HOOK3: variants seen among roughly 807,000 people sequenced by gnomAD.
HOOK3 encodes hook microtubule tethering protein 3, also known as protein Hook homolog 3.
A neutral mutation model predicts 116.3 loss-of-function variants in HOOK3; 24 were observed. The observed-to-expected ratio is 0.21, with a 90% confidence interval of 0.15 to 0.29. The LOEUF is 0.29. Among genes scored for constraint, HOOK3 ranks in the 10% least tolerant of loss-of-function variants. The pLI, the probability that HOOK3 is intolerant of heterozygous loss-of-function variation, is 1.00. For synonymous variants in HOOK3, 275 were observed against 283.0 expected, an observed-to-expected ratio of 0.97 and a Z score of 0.28; for missense variants, 632 against 830.2, an observed-to-expected ratio of 0.76 and a Z score of 2.93.
intron 13 of HOOK3, among the ~76,000 whole-genome samples, chr8:42,980,213 A>G (rs1808913162): frequency 6.6e-6 from 1 of 151,998 alleles, no homozygotes; most frequent in Non-Finnish European, 1.5e-5. Context: ...TCGGCCTCCC[A>G]AAGTGCTGGG....
intron 4 of HOOK3, among the ~76,000 whole-genome samples, chr8:42,939,445 G>T (rs1312929559): frequency 5.6e-5 from 8 of 142,912 alleles, no homozygotes; most frequent in South Asian, 2.3e-4. Context: ...GGGCAGAGGG[G>T]CTCCTCACTT....
chr8:42,957,076 T>C lies in HOOK3; in HGVS notation c.469-18T>C. Reference sequence around the variant, plus strand: ...CTTTTTTGCCTCATAGTTATAATCATTTAAATCTTGATTTCAGCTGATGAG... The same window carrying C: ...CTTTTTTGCCTCATAGTTATAATCACTTAAATCTTGATTTCAGCTGATGAG... On this transcript the variant is annotated intron_variant, in intron 6 of 21. Coordinates refer to ENST00000307602, the MANE Select transcript of HOOK3 (RefSeq NM_032410.4). 6.5e-7 allele frequency: 1 copy of C among 1,533,646 alleles called. No homozygotes were observed. The highest frequency in any genetic ancestry group is 8.9e-7 in the Non-Finnish European group (1 of 1,118,262).
intron 17 of HOOK3, among the ~76,000 whole-genome samples, chr8:43,004,439 G>A (rs1215250027): frequency 6.6e-6 from 1 of 150,842 alleles, no homozygotes; most frequent in African/African-American, 2.4e-5. Flanking sequence ...CCAGCACTTT[G>A]GGAGGCCGAG....
Position 42,968,182 on chromosome 8 carries a change from G to A in HOOK3, c.1090G>A (p.Ala364Thr), listed in dbSNP as rs1327973318. 1 of 1,613,832 alleles carries A rather than the reference G, an allele frequency of 6.2e-7. No individual in the cohort carries two copies. The highest frequency in any genetic ancestry group is 2.2e-5 in the East Asian group (1 of 44,868). The change falls in exon 11 of 22, where the codon GCG (alanine) becomes ACG (threonine). Residue 364 changes from alanine (A) to threonine (T), a missense_variant. By Grantham distance (58) the Ala-to-Thr change is moderately conservative. Transcript: ENST00000307602. Reference protein sequence around the residue: ...LEEELRKANAARSQLETYKRQ... With the variant: ...LEEELRKANATRSQLETYKRQ... The stretch of plus-strand genomic sequence containing the variant: ...GGAAGAGTTAAGAAAGGCCAACGCA[G>A]CGCGAAGTCAACTTGAAACCTACAA...
rs187587476 is a variant in HOOK3, at chr8:42,996,138, C to A, written c.1533-1412C>A. 7.2e-5 allele frequency among the ~76,000 whole-genome samples: 11 copies of A among 152,198 alleles called. No homozygotes were observed. In the East Asian group the frequency reaches 2.1e-3, roughly 29 times the overall value. ...CGGTGGCTCATGCCTGTAATCCCAG[C>A]ACTTTGGGAGGCCGAGGCAGGTGGA... On this transcript the variant is annotated intron_variant, in intron 15 of 21. Transcript: ENST00000307602.
chr8:42,930,426 A>G (rs933637425), intron 4 of HOOK3, among the ~76,000 whole-genome samples: 1 of 152,114 alleles, frequency 6.6e-6, no homozygotes, highest in African/African-American at 2.4e-5. Flanking sequence ...TATGTCATCT[A>G]TTAATTCTGT....
intron 2 of HOOK3, among the ~76,000 whole-genome samples, chr8:42,910,591 A>G (rs1008394999): frequency 6.6e-6 from 1 of 152,192 alleles, no homozygotes; most frequent in Non-Finnish European, 1.5e-5. Context: ...ATCATACAGT[A>G]TGTACTCTTG....
At chr8:42,965,146 A>C (rs1808610223) in intron 9 of HOOK3, among the ~76,000 whole-genome samples, 1 of 152,268 alleles carries the variant, frequency 6.6e-6, no homozygotes. Flanking sequence ...CAGAAAGATT[A>C]AATTTCACTG....
chr8:43,002,235 T>C (rs1198874796), intron 17 of HOOK3, 94 bp downstream of exon 17: 1 of 887,102 alleles, frequency 1.1e-6, no homozygotes, highest in African/African-American at 1.7e-5. Context: ...TTGGCACAGG[T>C]GGCCCTTGAA....
At chr8:43,000,131 G>A in intron 16 of HOOK3, 1 of 490,974 alleles carries the variant, frequency 2.0e-6, no homozygotes, top group Non-Finnish European at 3.6e-6. Context: ...CTGGGCAACA[G>A]AGCGAGACTC....
chr8:42,951,790 A>G (rs1808349162), intron 6 of HOOK3, among the ~76,000 whole-genome samples: 1 of 151,832 alleles, frequency 6.6e-6, no homozygotes, highest in Non-Finnish European at 1.5e-5. Flanking sequence ...AAAATACAAA[A>G]ATTATCTGGG....
intron 21 of HOOK3, among the ~76,000 whole-genome samples, chr8:43,015,010 G>A (rs919382432): frequency 2.0e-5 from 3 of 151,690 alleles, no homozygotes; most frequent in African/African-American, 7.3e-5. Context: ...AGCCAGGCAT[G>A]GTGGCACATG....
chr8:42,912,252 T>A (rs2130333996), intron 2 of HOOK3, among the ~76,000 whole-genome samples: 1 of 152,306 alleles, frequency 6.6e-6, no homozygotes, highest in Non-Finnish European at 1.5e-5. Context: ...TGTGAATGGA[T>A]CTAAGTATGC....
intron 8 of HOOK3, among the ~76,000 whole-genome samples, chr8:42,960,394 A>C (rs1037145355): frequency 1.2e-4 from 19 of 152,310 alleles, no homozygotes; most frequent in Admixed American, 2.0e-4. Context: ...AGAGGTTATG[A>C]GAAGAGAAGA....
At chr8:42,946,210 C>T (rs1808222196) in intron 5 of HOOK3, among the ~76,000 whole-genome samples, 1 of 152,086 alleles carries the variant, frequency 6.6e-6, no homozygotes, top group East Asian at 1.9e-4. Context: ...TTAAATAATG[C>T]CACAGATACC....
At chr8:43,009,739 A>G (rs1809568032) in intron 18 of HOOK3, among the ~76,000 whole-genome samples, 1 of 152,198 alleles carries the variant, frequency 6.6e-6, no homozygotes, top group Non-Finnish European at 1.5e-5. Flanking sequence ...ACATTCACAT[A>G]GCACAACTCT....
At chr8:42,922,223 G>A (rs1807671210) in intron 2 of HOOK3, among the ~76,000 whole-genome samples, 1 of 151,914 alleles carries the variant, frequency 6.6e-6, no homozygotes, top group African/African-American at 2.4e-5. Flanking sequence ...GAAAGTTCAA[G>A]ATAGATAAAT....
intron 17 of HOOK3, among the ~76,000 whole-genome samples, chr8:43,006,303 A>G (rs541233718): frequency 2.7e-5 from 4 of 147,774 alleles, no homozygotes; most frequent in Admixed American, 6.8e-5. Flanking sequence ...TACAGGTGTT[A>G]GCCACTGCGC....
intron 4 of HOOK3, among the ~76,000 whole-genome samples, chr8:42,941,843 C>T (rs1449079849): frequency 6.6e-6 from 1 of 152,154 alleles, no homozygotes; most frequent in African/African-American, 2.4e-5. Flanking sequence ...TACCTGACGA[C>T]TTTGCCCATG....
Sources: gnomAD v4.1 joint callset for allele counts (sites outside exome capture counted in the v4.1 genomes callset) on GRCh38, gnomAD v4.1.1 for gene constraint, MANE v1.5 for transcripts, NCBI Gene and HGNC (gene_info 2026-07-23, HGNC 2026-07-21) for gene names.